The following CDH20 variants were observed in gnomAD, a reference collection of about 807,000 sequenced individuals.
The protein encoded by CDH20 is cadherin-20.
CDH20 carries 29 observed loss-of-function variants against 74.2 expected under a neutral mutation model. The observed-to-expected ratio is 0.39, with a 90% CI of 0.29 to 0.53. The LOEUF (loss-of-function observed/expected upper bound fraction) is 0.53, where lower values mean the gene tolerates loss of function less well. CDH20 is among the 20% of genes least tolerant of loss of function. The pLI, the probability that CDH20 is intolerant of heterozygous loss-of-function variation, is 0.69. For missense variants in CDH20, 988 were observed against 1,048.3 expected (o/e 0.94, Z 0.79); for synonymous variants, 469 against 405.4 (o/e 1.16, Z -1.88).
At position 61,550,160 on chromosome 18, in the gene CDH20, T is replaced by C. The variant is rs769865814; in HGVS notation, c.1831T>C (p.Tyr611His). Reference sequence around the variant, plus strand: ...CGTCATGTCCTGCAGCCCAGAGGCCTACATGCTCCCAGTCAGTTTGAGCCG... The same window carrying C: ...CGTCATGTCCTGCAGCCCAGAGGCCCACATGCTCCCAGTCAGTTTGAGCCG... ...GHVMSCSPEA[Y>H]MLPVSLSRGA... Residue 611 changes from tyrosine to histidine, a missense_variant, in exon 11 of 12, where the codon TAC becomes CAC. Physicochemically the swap from Tyr to His is moderately conservative, Grantham distance 83. Coordinates refer to ENST00000262717, the MANE Select transcript of CDH20 (RefSeq NM_031891.4). 4 of 1,614,072 alleles carry C rather than the reference T, an allele frequency of 2.5e-6. No homozygotes were observed. The East Asian group carries it at 8.9e-5, about 36-fold the overall frequency.
At chr18:61,497,663 T>C (rs534085694) in intron 2 of CDH20, among the ~76,000 whole-genome samples, 1 of 152,290 alleles carries the variant, frequency 6.6e-6, no homozygotes, top group East Asian at 1.9e-4. Flanking sequence ...CGTGCATTAA[T>C]CTCTAATGAT....
At position 61,353,963 on chromosome 18, in the gene CDH20, G is replaced by A. The variant is rs1426065785; in HGVS notation, c.-153+20136G>A. 6.6e-6 allele frequency among the ~76,000 whole-genome samples: 1 copy of A among 151,378 alleles called. No homozygotes were observed. Among genetic ancestry groups the A allele is most frequent in the African/African-American group, 2.4e-5 (1 of 41,132 alleles). The stretch of plus-strand genomic sequence containing the variant: ...TTGGGCATGGTGGCGTGCACCTGTG[G>A]TCCCAGCTACTTGGGAGGTTGCAAG... On this transcript the variant is annotated intron_variant, in intron 1 of 11. Transcript: ENST00000262717. This position sits in a 1 kb window ranked among gnomAD's most constrained non-coding sequence, Gnocchi z 4.6.
chr18:61,532,506 C>T (rs919660833), intron 7 of CDH20, among the ~76,000 whole-genome samples: 1 of 148,246 alleles, frequency 6.7e-6, no homozygotes, highest in African/African-American at 2.5e-5. Flanking sequence ...TATATATGCA[C>T]AACTGTATAC....
intron 2 of CDH20, among the ~76,000 whole-genome samples, chr18:61,498,445 C>T (rs1911249679): frequency 6.6e-6 from 1 of 150,510 alleles, no homozygotes; most frequent in Non-Finnish European, 1.5e-5. Flanking sequence ...GCAAATATAG[C>T]TGCATGGTCA....
chr18:61,435,343 A>G (rs1316888577), intron 1 of CDH20, among the ~76,000 whole-genome samples: 1 of 152,110 alleles, frequency 6.6e-6, no homozygotes, highest in Non-Finnish European at 1.5e-5. Flanking sequence ...GTCAATACCT[A>G]GCATATCCCA....
At chr18:61,364,947 G>C (rs1910811620) in intron 1 of CDH20, among the ~76,000 whole-genome samples, 1 of 152,154 alleles carries the variant, frequency 6.6e-6, no homozygotes, top group Non-Finnish European at 1.5e-5. Context: ...TCAATTTTAA[G>C]CATCTAAAAC....
intron 6 of CDH20, among the ~76,000 whole-genome samples, chr18:61,513,755 A>C (rs1429246394): frequency 6.6e-6 from 1 of 152,126 alleles, no homozygotes; most frequent in Non-Finnish European, 1.5e-5. Flanking sequence ...TCCTTCACTT[A>C]TGAAGCTTAG....
chr18:61,490,840 T>A (rs1910936438), intron 2 of CDH20, 41 bp downstream of exon 2: 1 of 1,599,910 alleles, frequency 6.3e-7, no homozygotes, highest in Admixed American at 1.7e-5. Context: ...TATTGGATAT[T>A]GAAATTGAAT....
intron 6 of CDH20, among the ~76,000 whole-genome samples, chr18:61,520,078 A>T (rs558075770): frequency 5.3e-5 from 8 of 151,030 alleles, no homozygotes; most frequent in African/African-American, 2.0e-4. Context: ...GCACTTTGGG[A>T]GGCCAAGGTG....
chr18:61,397,744 C>G (rs181380597), intron 1 of CDH20, among the ~76,000 whole-genome samples: 9 of 152,124 alleles, frequency 5.9e-5, no homozygotes, highest in Non-Finnish European at 8.8e-5. Flanking sequence ...AGCCGTGTAA[C>G]CTTAGGCAAG....
intron 1 of CDH20, among the ~76,000 whole-genome samples, chr18:61,366,765 T>C (rs1323333023): frequency 6.6e-6 from 1 of 152,166 alleles, no homozygotes; most frequent in African/African-American, 2.4e-5. Context: ...TAATTCCCTT[T>C]TCCAATTTCA....
chr18:61,514,668 A>T (rs1911919345), intron 6 of CDH20, among the ~76,000 whole-genome samples: 1 of 149,124 alleles, frequency 6.7e-6, no homozygotes, highest in Non-Finnish European at 1.5e-5. Context: ...TGATGTACAG[A>T]TGGGTTTTTG....
chr18:61,459,107 G>T (rs146644469), intron 1 of CDH20, among the ~76,000 whole-genome samples: 1 of 152,090 alleles, frequency 6.6e-6, no homozygotes, highest in Non-Finnish European at 1.5e-5. Context: ...AGCTTTGGTC[G>T]TATTATTATC....
At chr18:61,515,825 G>A (rs1255750410) in intron 6 of CDH20, among the ~76,000 whole-genome samples, 2 of 150,766 alleles carry the variant, frequency 1.3e-5, no homozygotes, top group African/African-American at 2.4e-5. Context: ...TATACCTAAT[G>A]CTAGATGATG....
At chr18:61,403,437 G>T (rs1167229293) in intron 1 of CDH20, among the ~76,000 whole-genome samples, 1 of 152,144 alleles carries the variant, frequency 6.6e-6, no homozygotes, top group African/African-American at 2.4e-5. Flanking sequence ...TGTTTCTTTG[G>T]TAACAAAACA....
intron 1 of CDH20, among the ~76,000 whole-genome samples, chr18:61,480,409 G>A (rs867844435): frequency 1.3e-5 from 2 of 152,160 alleles, no homozygotes; most frequent in African/African-American, 4.8e-5. Context: ...GGCACAGCTT[G>A]ATTTTATACA....
intron 1 of CDH20, among the ~76,000 whole-genome samples, chr18:61,354,572 G>A (rs2144120396): frequency 6.6e-6 from 1 of 152,136 alleles, no homozygotes; most frequent in Non-Finnish European, 1.5e-5. Context: ...TAGCACCACT[G>A]CACTCCAGAC....
intron 1 of CDH20, among the ~76,000 whole-genome samples, chr18:61,485,923 A>C (rs1366779081): frequency 6.6e-6 from 1 of 152,094 alleles, no homozygotes; most frequent in Non-Finnish European, 1.5e-5. Context: ...AATACAAAAA[A>C]TTAGCCGGGT....
chr18:61,361,899 C>A (rs912006642), intron 1 of CDH20, among the ~76,000 whole-genome samples: 22 of 152,112 alleles, frequency 1.4e-4, no homozygotes, highest in Admixed American at 1.4e-3. Flanking sequence ...TTCTACAGAC[C>A]TATAATGATT....
Sources: gnomAD v4.1 joint callset for allele counts (sites outside exome capture counted in the v4.1 genomes callset) on GRCh38, gnomAD v4.1.1 for gene constraint, Gnocchi (gnomAD v3.1) non-coding constraint, MANE v1.5 for transcripts, NCBI Gene and HGNC (gene_info 2026-07-23, HGNC 2026-07-21) for gene names.